The following STK32A variants were observed in gnomAD, a reference collection of about 807,000 sequenced individuals.
STK32A encodes the protein serine/threonine kinase 32A.
STK32A carries 41 observed loss-of-function variants against 53.2 expected under a neutral mutation model. The observed-to-expected ratio is 0.77, with a 90% CI of 0.60 to 1.00. STK32A has a LOEUF of 1.00. Among genes scored for constraint, STK32A ranks in the 50% least tolerant of loss-of-function variants. The pLI is 0.00. For missense variants in STK32A, 458 were observed against 485.8 expected, an observed-to-expected ratio of 0.94 and a Z score of 0.54; for synonymous variants, 166 against 162.8, an observed-to-expected ratio of 1.02 and a Z score of -0.15.
At chr5:147,262,311 A>G (rs1754609263) in intron 2 of STK32A, among the ~76,000 whole-genome samples, 2 of 152,162 alleles carry the variant, frequency 1.3e-5, no homozygotes, top group Admixed American at 6.5e-5. Context: ...TGAGATTTAA[A>G]CCAGAAAACT....
At chr5:147,367,587 G>A (rs925704913) in intron 8 of STK32A, among the ~76,000 whole-genome samples, 1 of 152,108 alleles carries the variant, frequency 6.6e-6, no homozygotes, top group African/African-American at 2.4e-5. Flanking sequence ...CTGGTGGGCA[G>A]GGGTGAGGAT....
At chr5:147,313,761 A>C (rs1002448721) in intron 4 of STK32A, among the ~76,000 whole-genome samples, 1 of 152,228 alleles carries the variant, frequency 6.6e-6, no homozygotes, top group Admixed American at 6.5e-5. Context: ...TCTAAAAATA[A>C]AGCCTCATAT....
chr5:147,275,915 C>A (rs1290587678), intron 2 of STK32A, among the ~76,000 whole-genome samples: 3 of 152,108 alleles, frequency 2.0e-5, no homozygotes, highest in Non-Finnish European at 1.5e-5. Flanking sequence ...GGAGGTGGTT[C>A]ACAAAATGGA....
chr5:147,314,310 C>G (rs1581079459), intron 4 of STK32A, among the ~76,000 whole-genome samples: 1 of 152,002 alleles, frequency 6.6e-6, no homozygotes, highest in Non-Finnish European at 1.5e-5. Flanking sequence ...CCAGCCTGAT[C>G]AACATGGTGA....
chr5:147,376,983 G>C (rs1203141961), intron 11 of STK32A, among the ~76,000 whole-genome samples: 3 of 152,120 alleles, frequency 2.0e-5, no homozygotes, highest in Non-Finnish European at 4.4e-5. Context: ...CATCTGTTAT[G>C]AATATAGATG....
chr5:147,376,469 A>G (rs941611241), intron 11 of STK32A, among the ~76,000 whole-genome samples: 1 of 152,144 alleles, frequency 6.6e-6, no homozygotes, highest in Non-Finnish European at 1.5e-5. Context: ...TGATAACAGG[A>G]CCTAACATGT....
chr5:147,267,118 A>G (rs1754846938), intron 2 of STK32A, among the ~76,000 whole-genome samples: 1 of 152,154 alleles, frequency 6.6e-6, no homozygotes, highest in Non-Finnish European at 1.5e-5. Context: ...AATAGCAGTA[A>G]TAATTATACA....
At chr5:147,236,134 T>C (rs749157906) in intron 1 of STK32A, among the ~76,000 whole-genome samples, 5 of 152,166 alleles carry the variant, frequency 3.3e-5, no homozygotes, top group Non-Finnish European at 5.9e-5. Context: ...CACCTCTTTA[T>C]CTAGGGAGGC....
At chr5:147,362,741 G>A (rs1192752733) in intron 8 of STK32A, among the ~76,000 whole-genome samples, 1 of 152,138 alleles carries the variant, frequency 6.6e-6, no homozygotes, top group African/African-American at 2.4e-5. Flanking sequence ...TGAGACTCGA[G>A]GTATGATTCA....
chr5:147,283,059 C>G (rs1020555500), intron 4 of STK32A, among the ~76,000 whole-genome samples: 3 of 152,150 alleles, frequency 2.0e-5, no homozygotes, highest in African/African-American at 7.2e-5. Flanking sequence ...AAATGAGCCT[C>G]AATAAATTTA....
chr5:147,256,240 T>A (rs552106557), intron 2 of STK32A, among the ~76,000 whole-genome samples: 1 of 152,254 alleles, frequency 6.6e-6, no homozygotes, highest in South Asian at 2.1e-4. Context: ...AGTGAACTAG[T>A]GTTGGGAGAC....
the STK32A span, chr5:147,399,277 C>G: frequency 6.2e-7 from 1 of 1,609,266 alleles, no homozygotes; most frequent in Non-Finnish European, 8.5e-7. Context: ...GAAATTATAT[C>G]TATATCTATA....
chr5:147,287,378 G>GA (rs1215623132), intron 4 of STK32A, among the ~76,000 whole-genome samples: 5 of 151,254 alleles, frequency 3.3e-5, no homozygotes, highest in Admixed American at 6.6e-5. Flanking sequence ...TACCAGCAAA[G>GA]AAAAAAAAGG....
intron 8 of STK32A, among the ~76,000 whole-genome samples, chr5:147,365,492 CT>C (rs35266758): frequency 4.4e-4 from 65 of 146,736 alleles, no homozygotes; most frequent in African/African-American, 1.5e-3. Context: ...TCCTGATGGG[CT>C]TTTTTTTTTC....
At chr5:147,242,687 A>G (rs924791533) in intron 2 of STK32A, among the ~76,000 whole-genome samples, 6 of 152,240 alleles carry the variant, frequency 3.9e-5, no homozygotes, top group African/African-American at 1.4e-4. Context: ...AGTTGCCTAT[A>G]TCTTAACGTT....
At chr5:147,263,080 T>C (rs952501671) in intron 2 of STK32A, among the ~76,000 whole-genome samples, 2 of 152,192 alleles carry the variant, frequency 1.3e-5, no homozygotes, top group South Asian at 2.1e-4. Context: ...GTGCAGAAGA[T>C]GCCTTGCTGA....
chr5:147,381,572 G>A (rs1208739262), intron 11 of STK32A, among the ~76,000 whole-genome samples: 1 of 151,958 alleles, frequency 6.6e-6, no homozygotes, highest in Non-Finnish European at 1.5e-5. Flanking sequence ...GAACCCAAGA[G>A]GAGGAGGTTG....
chr5:147,346,462 C>T (rs1296154263), intron 6 of STK32A, among the ~76,000 whole-genome samples: 2 of 152,170 alleles, frequency 1.3e-5, no homozygotes, highest in Admixed American at 6.5e-5. Flanking sequence ...TTCTTACTGA[C>T]TCATATTCTT....
At chr5:147,343,754 TG>T (rs1408150079) in intron 6 of STK32A, among the ~76,000 whole-genome samples, 2 of 152,230 alleles carry the variant, frequency 1.3e-5, no homozygotes, top group Non-Finnish European at 2.9e-5. Flanking sequence ...ATAACTAGTA[TG>T]TACCAATGTA....
Sources: gnomAD v4.1 joint callset for allele counts (sites outside exome capture counted in the v4.1 genomes callset) on GRCh38, gnomAD v4.1.1 for gene constraint, MANE v1.5 for transcripts, NCBI Gene and HGNC (gene_info 2026-07-23, HGNC 2026-07-21) for gene names.